Variants in CAMKMT observed in about 807,000 individuals in gnomAD.
CAMKMT encodes calmodulin-lysine N-methyltransferase.
CAMKMT carries 53 observed loss-of-function variants against 48.0 expected under a neutral mutation model. The observed-to-expected ratio is 1.10, with a 90% CI of 0.89 to 1.39. The LOEUF (loss-of-function observed/expected upper bound fraction) is 1.39, where lower values mean the gene tolerates loss of function less well. Ranked by LOEUF, CAMKMT falls within the 40% of genes most tolerant of loss-of-function variation. CAMKMT has a pLI of 0.00. For missense variants in CAMKMT, 428 were observed against 402.7 expected, an observed-to-expected ratio of 1.06 and a Z score of -0.54; for synonymous variants, 165 against 152.3, an observed-to-expected ratio of 1.08 and a Z score of -0.61.
At chr2:44,616,655 C>A (rs537361116) in intron 3 of CAMKMT, among the ~76,000 whole-genome samples, 1 of 152,188 alleles carries the variant, frequency 6.6e-6, no homozygotes, top group East Asian at 1.9e-4. Context: ...ATCCTCTGAA[C>A]TGAGTCACCT....
chr2:44,717,650 A>G (rs1678241686), intron 7 of CAMKMT, among the ~76,000 whole-genome samples: 1 of 152,190 alleles, frequency 6.6e-6, no homozygotes, highest in South Asian at 2.1e-4. Flanking sequence ...GTAGTGACAG[A>G]TAACTAAGAA....
At chr2:44,422,696 CTT>C (rs76922823) in intron 3 of CAMKMT, among the ~76,000 whole-genome samples, 5 of 144,796 alleles carry the variant, frequency 3.5e-5, no homozygotes, top group Admixed American at 2.8e-4. Context: ...ACATAAATTT[CTT>C]TTTTTTTTTT....
intron 3 of CAMKMT, among the ~76,000 whole-genome samples, chr2:44,432,089 C>T (rs1157242007): frequency 1.3e-5 from 2 of 152,038 alleles, no homozygotes; most frequent in African/African-American, 4.8e-5. Context: ...CTGGTTTAGT[C>T]GCATCTTAAA....
intron 1 of CAMKMT, among the ~76,000 whole-genome samples, chr2:44,366,841 T>A (rs752744938): frequency 6.6e-6 from 1 of 152,010 alleles, no homozygotes; most frequent in Non-Finnish European, 1.5e-5. Context: ...TGTGCCTTAG[T>A]CTTCTGAGTA....
At chr2:44,681,343 A>C (rs769657794) in intron 3 of CAMKMT, among the ~76,000 whole-genome samples, 7 of 152,022 alleles carry the variant, frequency 4.6e-5, no homozygotes, top group Non-Finnish European at 1.0e-4. Flanking sequence ...TCAGCTGGGG[A>C]TTTTAGTCGC....
At chr2:44,519,580 T>C (rs1670996094) in intron 3 of CAMKMT, among the ~76,000 whole-genome samples, 1 of 152,174 alleles carries the variant, frequency 6.6e-6, no homozygotes, top group African/African-American at 2.4e-5. Flanking sequence ...AACATAAGCC[T>C]TGAGTGACTT....
chr2:44,483,758 A>T (rs1233675933), intron 3 of CAMKMT, among the ~76,000 whole-genome samples: 2 of 152,176 alleles, frequency 1.3e-5, no homozygotes, highest in African/African-American at 4.8e-5. Context: ...GGCTTAATCA[A>T]AAAAGGAGTA....
intron 3 of CAMKMT, among the ~76,000 whole-genome samples, chr2:44,577,126 A>C (rs1188196903): frequency 6.6e-6 from 1 of 152,358 alleles, no homozygotes; most frequent in South Asian, 2.1e-4. Flanking sequence ...GGGAAATGCC[A>C]TGAATTCCCA....
chr2:44,727,284 T>A (rs1405153822), intron 7 of CAMKMT, among the ~76,000 whole-genome samples: 1 of 152,224 alleles, frequency 6.6e-6, no homozygotes, highest in East Asian at 1.9e-4. Context: ...TTGTGTTGTC[T>A]TTGATTTCTT....
intron 3 of CAMKMT, among the ~76,000 whole-genome samples, chr2:44,432,854 A>G (rs1278712724): frequency 6.6e-6 from 1 of 151,948 alleles, no homozygotes; most frequent in Non-Finnish European, 1.5e-5. Flanking sequence ...ATGCTTTCCA[A>G]GTAGTGTTTC....
At position 44,446,272 on chromosome 2, in the gene CAMKMT, A is replaced by G. The variant is rs144975927; in HGVS notation, c.376+55967A>G. On this transcript the variant is annotated intron_variant, in intron 3 of 10. Coordinates refer to ENST00000378494, the MANE Select transcript of CAMKMT (RefSeq NM_024766.5). The stretch of plus-strand genomic sequence containing the variant: ...AACAGATATTTACTGAATGCCAGTT[A>G]TGTGTCAGGTTCAGTTGCGTTGATT... Among the ~76,000 whole-genome samples, 26 of 151,870 alleles carry G rather than the reference A, an allele frequency of 1.7e-4. No homozygotes were observed. The East Asian group carries it at 5.1e-3, about 30-fold the overall frequency.
At chr2:44,715,592 T>C (rs1315813568) in intron 7 of CAMKMT, among the ~76,000 whole-genome samples, 1 of 152,168 alleles carries the variant, frequency 6.6e-6, no homozygotes, top group Non-Finnish European at 1.5e-5. Flanking sequence ...TATTAAACAC[T>C]GGGTTGGGGA....
intron 3 of CAMKMT, among the ~76,000 whole-genome samples, chr2:44,475,062 GA>G (rs1668617364): frequency 6.6e-6 from 1 of 152,152 alleles, no homozygotes; most frequent in Non-Finnish European, 1.5e-5. Flanking sequence ...TGATACAGTT[GA>G]AAAGAGTCAA....
chr2:44,583,401 T>C (rs571360049), intron 3 of CAMKMT, among the ~76,000 whole-genome samples: 1 of 152,330 alleles, frequency 6.6e-6, no homozygotes, highest in Admixed American at 6.5e-5. Flanking sequence ...AAATTCAGGA[T>C]GTTAGAGGAT....
chr2:44,686,402 A>C (rs1676339321), intron 3 of CAMKMT, among the ~76,000 whole-genome samples: 3 of 151,670 alleles, frequency 2.0e-5, no homozygotes, highest in Non-Finnish European at 2.9e-5. Flanking sequence ...CAAAAAAAAA[A>C]AAAAACAAAA....
intron 3 of CAMKMT, among the ~76,000 whole-genome samples, chr2:44,515,283 A>T (rs1041225264): frequency 6.6e-6 from 1 of 152,182 alleles, no homozygotes; most frequent in African/African-American, 2.4e-5. Context: ...GGCTCTGGTC[A>T]CTAGTAGAGG....
At chr2:44,658,214 C>T (rs867600563) in intron 3 of CAMKMT, among the ~76,000 whole-genome samples, 5 of 152,164 alleles carry the variant, frequency 3.3e-5, no homozygotes, top group South Asian at 2.1e-4. Flanking sequence ...TCCATGTCTT[C>T]TAGTGCGGCT....
intron 1 of CAMKMT, among the ~76,000 whole-genome samples, chr2:44,369,036 C>T (rs1678903791): frequency 6.6e-6 from 1 of 151,990 alleles, no homozygotes; most frequent in South Asian, 2.1e-4. Flanking sequence ...CAGGTGCATG[C>T]CATGCACCAC....
intron 3 of CAMKMT, among the ~76,000 whole-genome samples, chr2:44,544,089 A>G (rs1293815928): frequency 2.0e-5 from 3 of 152,078 alleles, no homozygotes; most frequent in Non-Finnish European, 4.4e-5. Context: ...GAGTAGGCTT[A>G]ATGTTCTTAA....
Sources: gnomAD v4.1 joint callset for allele counts (sites outside exome capture counted in the v4.1 genomes callset) on GRCh38, gnomAD v4.1.1 for gene constraint, MANE v1.5 for transcripts, NCBI Gene and HGNC (gene_info 2026-07-23, HGNC 2026-07-21) for gene names.